SGCG: variants seen among roughly 807,000 people sequenced by gnomAD.
SGCG encodes gamma-sarcoglycan.
In SGCG, 26 loss-of-function variants were observed where a neutral mutation model predicts 29.3. That is an observed-to-expected ratio of 0.89 (90% CI 0.65 to 1.23). SGCG has a LOEUF of 1.23. Among genes scored for constraint, SGCG ranks in the 50% most tolerant of loss-of-function variants. The probability of loss-of-function intolerance (pLI) is 0.00; values close to 1 mark genes in which losing one functional copy is unlikely to be tolerated. For synonymous variants in SGCG, 145 were observed against 129.7 expected (o/e 1.12, Z -0.80); for missense variants, 353 against 356.0 (o/e 0.99, Z 0.07).
the SGCG span, among the ~76,000 whole-genome samples, chr13:23,167,364 A>G: frequency 2.5e-4 from 38 of 152,210 alleles, no homozygotes; most frequent in African/African-American, 7.7e-4. Context: ...GCTACAACAA[A>G]CATGGGAGTG....
chr13:23,305,276 A>G (rs1480613930), intron 6 of SGCG, among the ~76,000 whole-genome samples: 1 of 152,186 alleles, frequency 6.6e-6, no homozygotes, highest in Non-Finnish European at 1.5e-5. Context: ...TGTGTTTTCC[A>G]CATTTATTTG....
At chr13:23,258,778 G>T (rs940426090) in intron 4 of SGCG, among the ~76,000 whole-genome samples, 5 of 152,138 alleles carry the variant, frequency 3.3e-5, no homozygotes, top group African/African-American at 1.2e-4. Context: ...TTTTGTCGAA[G>T]GCCTTTTCTG....
At chr13:23,319,533 A>G (rs1044279811) in intron 6 of SGCG, among the ~76,000 whole-genome samples, 13 of 152,196 alleles carry the variant, frequency 8.5e-5, no homozygotes, top group Non-Finnish European at 1.3e-4. Context: ...AAACTTGCCA[A>G]TTCAAGGGAG....
Position 23,185,272 on chromosome 13 carries a change from C to T in SGCG, c.-1+4197C>T, listed in dbSNP as rs114638049. On this transcript the variant is annotated intron_variant, in intron 1 of 7. Transcript: ENST00000218867. The stretch of plus-strand genomic sequence containing the variant: ...AATGGTGCGATCTTGGCTCACTACA[C>T]CCTCCGCCTTCTGGGTTCAAGCAGT... Among the ~76,000 whole-genome samples the T allele has an allele frequency of 3.1e-3, 468 of 152,186 alleles. 3 individuals are homozygous for T. Among genetic ancestry groups the T allele is most frequent in the African/African-American group, 0.011 (448 of 41,478 alleles).
intron 1 of SGCG, among the ~76,000 whole-genome samples, chr13:23,198,079 A>T (rs901302880): frequency 1.3e-5 from 2 of 152,260 alleles, no homozygotes; most frequent in Non-Finnish European, 2.9e-5. Flanking sequence ...AGTCAGTATC[A>T]GACAGATAAC....
chr13:23,200,979 G>A (rs1877726568), intron 1 of SGCG, among the ~76,000 whole-genome samples: 1 of 152,170 alleles, frequency 6.6e-6, no homozygotes, highest in Admixed American at 6.5e-5. Flanking sequence ...TTTTTACTCT[G>A]AGTGAAATGG....
intron 4 of SGCG, among the ~76,000 whole-genome samples, chr13:23,261,008 T>C (rs889702051): frequency 3.9e-5 from 6 of 152,126 alleles, no homozygotes; most frequent in African/African-American, 1.4e-4. Context: ...CTGACAATTA[T>C]GTGTCTTGGG....
At chr13:23,288,449 G>A (rs1286537401) in intron 5 of SGCG, among the ~76,000 whole-genome samples, 1 of 151,988 alleles carries the variant, frequency 6.6e-6, no homozygotes, top group Admixed American at 6.5e-5. Flanking sequence ...GACAATTGCT[G>A]TTGCTATTCT....
the SGCG span, among the ~76,000 whole-genome samples, chr13:23,169,335 T>A: frequency 1.4e-4 from 21 of 151,374 alleles, no homozygotes; most frequent in African/African-American, 3.9e-4. Context: ...GGTTGCATTC[T>A]CCCTCATTCT....
At chr13:23,191,201 G>A (rs1877234248) in intron 1 of SGCG, among the ~76,000 whole-genome samples, 1 of 152,136 alleles carries the variant, frequency 6.6e-6, no homozygotes. Flanking sequence ...TATATTTTAT[G>A]AGCCAAAATA....
At chr13:23,193,521 A>G (rs1056658522) in intron 1 of SGCG, among the ~76,000 whole-genome samples, 1 of 131,578 alleles carries the variant, frequency 7.6e-6, no homozygotes, top group African/African-American at 2.7e-5. Context: ...AGTAGACGTG[A>G]GGTGGCAGAG....
chr13:23,310,703 G>A (rs111988324), intron 6 of SGCG, among the ~76,000 whole-genome samples: 9,402 of 149,814 alleles, frequency 0.063, 330 homozygotes, highest in South Asian at 0.1. Context: ...TTTTTTTGTT[G>A]GATTAATAAA....
In SGCG at chr13:23,320,717, C is replaced by A. The variant is rs753751942; in HGVS notation, c.659C>A (p.Ala220Glu). ...HIQAHAGKIE[A>E]LSQMDILFHS... ...CAAGCTCACGCTGGGAAAATTGAGGCGCTTTCTCAAATGGATATTCTTTTT... is the reference window on the plus strand; with the variant it reads ...CAAGCTCACGCTGGGAAAATTGAGGAGCTTTCTCAAATGGATATTCTTTTT... Residue 220 changes from alanine to glutamate, a missense_variant, in exon 7 of 8, where the codon GCG (alanine) becomes GAG (glutamate). By Grantham distance (107) the Ala-to-Glu change is moderately radical. Transcript: ENST00000218867. 1 of 1,612,604 alleles carries A rather than the reference C, an allele frequency of 6.2e-7. No homozygotes were observed. Among genetic ancestry groups the A allele is most frequent in the African/African-American group, 1.3e-5 (1 of 74,530 alleles).
intron 6 of SGCG, among the ~76,000 whole-genome samples, chr13:23,299,456 A>ATTTTTTTTTTTTTTTTTT (rs71100168): frequency 4.8e-5 from 2 of 41,540 alleles, no homozygotes; most frequent in African/African-American, 7.7e-5. Flanking sequence ...ATATATATAT[A>ATTTTTTTTTTTTTTTTTT]TTTTTTTTTT....
intron 3 of SGCG, chr13:23,243,399 C>T (rs1440157376): frequency 6.6e-6 from 1 of 152,370 alleles, no homozygotes; most frequent in Non-Finnish European, 1.5e-5. Flanking sequence ...AAAAGCTTGC[C>T]TAGAAACCCT....
chr13:23,212,161 A>G (rs1002291723), intron 2 of SGCG, among the ~76,000 whole-genome samples: 2 of 152,100 alleles, frequency 1.3e-5, no homozygotes, highest in South Asian at 2.1e-4. Flanking sequence ...AGAAACCACT[A>G]TGCTTCCTGT....
intron 5 of SGCG, among the ~76,000 whole-genome samples, chr13:23,293,216 A>G (rs1348992162): frequency 1.3e-5 from 2 of 152,210 alleles, no homozygotes; most frequent in Non-Finnish European, 2.9e-5. Flanking sequence ...TCTGTTTCTT[A>G]TCTGAGTATA....
chr13:23,276,464 G>T (rs1259051439), intron 4 of SGCG, among the ~76,000 whole-genome samples: 6 of 117,324 alleles, frequency 5.1e-5, no homozygotes, highest in Non-Finnish European at 9.9e-5. Context: ...ACAGAGTCTC[G>T]CTCTGTTGCC....
intron 4 of SGCG, among the ~76,000 whole-genome samples, chr13:23,269,878 TTTTTG>T: frequency 9.6e-6 from 1 of 104,614 alleles, no homozygotes; most frequent in Non-Finnish European, 2.4e-5. Flanking sequence ...TTTTTTGTTT[TTTTTG>T]TTTTTTTTTG....
Sources: gnomAD v4.1 joint callset for allele counts (sites outside exome capture counted in the v4.1 genomes callset) on GRCh38, gnomAD v4.1.1 for gene constraint, MANE v1.5 for transcripts, NCBI Gene and HGNC (gene_info 2026-07-23, HGNC 2026-07-21) for gene names.